NXF1: variants seen among roughly 807,000 people sequenced by gnomAD.
NXF1 encodes mRNA export factor TAP.
Under a neutral mutation model 92.4 loss-of-function variants are expected in NXF1, and 43 were observed. The observed-to-expected ratio is 0.47, with a 90% CI of 0.36 to 0.60. The LOEUF is 0.60. Ranked by LOEUF, NXF1 falls within the 20% of genes least tolerant of loss-of-function variation. NXF1 has a pLI of 0.00. For missense variants in NXF1, 576 were observed against 793.0 expected (o/e 0.73, Z 3.29); for synonymous variants, 288 against 292.2 (o/e 0.99, Z 0.15).
chr11:62,798,306 T>TA (rs1304517985), intron 11 of NXF1, among the ~76,000 whole-genome samples: 6 of 151,946 alleles, frequency 3.9e-5, no homozygotes, highest in South Asian at 2.1e-4. Context: ...CACATGCCTG[T>TA]AATCCCAGCT....
chr11:62,798,923 G>A (rs1021428303), intron 10 of NXF1: 7 of 1,096,612 alleles, frequency 6.4e-6, no homozygotes, highest in African/African-American at 4.9e-5. Flanking sequence ...AATGGGGTGG[G>A]AGCCCAGGGG....
In NXF1 at chr11:62,803,419, T is replaced by C. The variant is rs759200025; in HGVS notation, c.369A>G (p.Thr123=). 5.6e-6 allele frequency: 9 copies of C among 1,613,682 alleles called. No individual in the cohort carries two copies. The highest frequency in any genetic ancestry group is 7.6e-6 in the Non-Finnish European group (9 of 1,179,942). Residue 123 remains threonine, a splice_region_variant and synonymous_variant, in exon 3 of 21, where the codon ACA becomes ACG. Transcript: ENST00000294172. ...DGTSKNWFKI[T]IPYGRKYDKA... Reference sequence around the variant, plus strand: ...CCATCTACTTTCTCAAAGTACTCACTGTAATCTTGAACCAGTTCTTTGAGG... The same window carrying C: ...CCATCTACTTTCTCAAAGTACTCACCGTAATCTTGAACCAGTTCTTTGAGG...
At chr11:62,800,657 C>T (rs2084469187) in intron 9 of NXF1, among the ~76,000 whole-genome samples, 171 bp from the exon 10 acceptor site, 1 of 150,350 alleles carries the variant, frequency 6.7e-6, no homozygotes, top group Admixed American at 6.6e-5. Context: ...AAGTTCAGTG[C>T]CGTGGCATGA....
At position 62,799,074 on chromosome 11, in the gene NXF1, A is replaced by AGAAAG. The variant is rs141910936; in HGVS notation, c.1017-504_1017-500dup. The AGAAAG allele has an allele frequency of 6.0e-3, 5,990 of 990,142 alleles. 260 individuals carry two copies. The African/African-American group carries it at 0.097, about 16-fold the overall frequency. The allele number at this position is 990,142 out of a possible 1,614,324, so 61.3% of individuals were successfully genotyped here. A position where few individuals can be genotyped will look rare whatever the true frequency, so the allele number is the denominator to read the frequency against. On this transcript the variant is annotated intron_variant, in intron 10 of 20. Transcript: ENST00000294172. ...CAGGAAGAGGAGAGGCAAAGGAATA[A>AGAAAG]GAAAGGAAAAGGAGGAAAAAGAGAA... is the stretch of plus-strand genomic sequence containing the variant.
intron 1 of NXF1, 40 bp downstream of exon 1, chr11:62,805,289 C>T: frequency 4.4e-6 from 7 of 1,583,332 alleles, no homozygotes; most frequent in Non-Finnish European, 6.0e-6. Flanking sequence ...CCCACCCGCG[C>T]CCCAGATAGC....
rs2084476719 is a variant in NXF1 at position 62,801,364 on chromosome 11, C to G, written c.763G>C (p.Ala255Pro). Residue 255 changes from alanine to proline, a missense_variant, in exon 8 of 21, where the codon GCT (alanine) becomes CCT (proline). Ala to Pro is a conservative substitution (Grantham distance 27). Coordinates refer to ENST00000294172, the MANE Select transcript of NXF1 (RefSeq NM_006362.5). Reference protein sequence around the residue: ...VVLNRRSCMAATLRIIEENIP... With the variant: ...VVLNRRSCMAPTLRIIEENIP... ...TTCTCTTCAATGATCCTCAGGGTAG[C>G]TGCCATACAGCTTCTGCGATTCAGG... is the stretch of plus-strand genomic sequence containing the variant. 1 of 1,614,026 alleles carries G rather than the reference C, an allele frequency of 6.2e-7. No homozygotes were observed. The highest frequency in any genetic ancestry group is 8.5e-7 in the Non-Finnish European group (1 of 1,180,010).
chr11:62,797,271 C>T (rs772063402), intron 12 of NXF1, 33 bp from the exon 13 acceptor site: 2 of 1,613,934 alleles, frequency 1.2e-6, no homozygotes, highest in Non-Finnish European at 1.7e-6. Context: ...AACATGGAAG[C>T]AGTATTCTCT....
intron 10 of NXF1, chr11:62,800,124 T>G (rs562003805): frequency 2.8e-4 from 375 of 1,344,286 alleles, no homozygotes; most frequent in Non-Finnish European, 3.5e-4. Flanking sequence ...TAGAAAAGGT[T>G]GTGTTCAGGA....
chr11:62,801,836 G>C lies in NXF1; in HGVS notation c.559-17C>G. On this transcript the variant is annotated splice_polypyrimidine_tract_variant and intron_variant, in intron 5 of 20. Transcript: ENST00000294172. ...GATAGATATCTGGAGGGAAGACACAGAGGGCACAGAAAACTCTAGGGAAGC... is the reference window on the plus strand; with the variant it reads ...GATAGATATCTGGAGGGAAGACACACAGGGCACAGAAAACTCTAGGGAAGC... The C allele has an allele frequency of 1.2e-6, 2 of 1,610,674 alleles. No homozygotes were observed. Among genetic ancestry groups the C allele is most frequent in the Non-Finnish European group, 1.7e-6 (2 of 1,177,114 alleles).
intron 1 of NXF1, 172 bp from the exon 2 acceptor site, chr11:62,804,150 G>C (rs747928914): frequency 6.5e-7 from 1 of 1,539,246 alleles, no homozygotes; most frequent in Admixed American, 2.0e-5. Context: ...TCTGTGGGAG[G>C]GCAGCATCAG....
chr11:62,800,879 C>T (rs1033919925), intron 9 of NXF1, among the ~76,000 whole-genome samples: 1 of 152,226 alleles, frequency 6.6e-6, no homozygotes, highest in African/African-American at 2.4e-5. Flanking sequence ...AAGCAATCCT[C>T]CCACCTCAGC....
chr11:62,802,421 C>T (rs2084489222), intron 3 of NXF1, among the ~76,000 whole-genome samples, 161 bp from the exon 4 acceptor site: 1 of 152,186 alleles, frequency 6.6e-6, no homozygotes, highest in African/African-American at 2.4e-5. Flanking sequence ...TCTTTAACTC[C>T]TTTCTGTCTA....
chr11:62,793,685 C>G (rs1475065415), intron 19 of NXF1, among the ~76,000 whole-genome samples: 7 of 149,786 alleles, frequency 4.7e-5, no homozygotes, highest in Non-Finnish European at 8.9e-5. Flanking sequence ...TCAAAACAAA[C>G]AAGCAAATAA....
chr11:62,799,963 T>C (rs1488883203), intron 10 of NXF1: 2 of 1,000,002 alleles, frequency 2.0e-6, no homozygotes, highest in Non-Finnish European at 2.4e-6. Context: ...CCCATCTCAG[T>C]AGGAAGTCCC....
intron 10 of NXF1, chr11:62,799,254 GCC>G: frequency 1.0e-6 from 1 of 985,584 alleles, no homozygotes; most frequent in Non-Finnish European, 1.2e-6. Context: ...CCCTGACACA[GCC>G]CTTTCTTTCA....
chr11:62,800,100 G>A, intron 10 of NXF1: 2 of 1,305,312 alleles, frequency 1.5e-6, no homozygotes, highest in South Asian at 3.8e-5. Context: ...TGGAACAACA[G>A]GGTAGGGAGA....
At chr11:62,792,789 C>T (rs1207247996) in intron 19 of NXF1, 88 bp from the exon 20 acceptor site, 1 of 1,188,952 alleles carries the variant, frequency 8.4e-7, no homozygotes, top group Non-Finnish European at 1.2e-6. Flanking sequence ...CCAAGTTTGC[C>T]AACAAATATG....
intron 13 of NXF1, 104 bp downstream of exon 13, chr11:62,797,079 A>AC (rs2084428896): frequency 2.4e-5 from 26 of 1,099,320 alleles, no homozygotes; most frequent in African/African-American, 1.3e-4. Context: ...AAAAAAAAAA[A>AC]AAAACAAAAC....
intron 16 of NXF1, 44 bp downstream of exon 16, chr11:62,796,022 C>T (rs1333676776): frequency 1.2e-5 from 20 of 1,610,364 alleles, no homozygotes; most frequent in Non-Finnish European, 1.7e-5. Flanking sequence ...AATGCCACCC[C>T]CACCCCAATT....
Sources: gnomAD v4.1 joint callset for allele counts (sites outside exome capture counted in the v4.1 genomes callset) on GRCh38, gnomAD v4.1.1 for gene constraint, MANE v1.5 for transcripts, NCBI Gene and HGNC (gene_info 2026-07-23, HGNC 2026-07-21) for gene names.